NALCN: variants seen among roughly 807,000 people sequenced by gnomAD.
NALCN encodes the protein sodium leak channel, non-selective, also known as sodium leak channel NALCN.
In NALCN, 111 loss-of-function variants were observed where a neutral mutation model predicts 225.3. The observed-to-expected ratio is 0.49, with a 90% CI of 0.42 to 0.58. The LOEUF (loss-of-function observed/expected upper bound fraction) is 0.58. NALCN is among the 20% of genes least tolerant of loss of function. NALCN has a pLI of 0.00. For missense variants in NALCN, 1,378 were observed against 2,202.4 expected, an observed-to-expected ratio of 0.63 and a Z score of 7.49; for synonymous variants, 764 against 769.0, an observed-to-expected ratio of 0.99 and a Z score of 0.11.
At chr13:101,177,613 A>C (rs1203890972) in intron 14 of NALCN, among the ~76,000 whole-genome samples, 1 of 151,384 alleles carries the variant, frequency 6.6e-6, no homozygotes, top group Non-Finnish European at 1.5e-5. Flanking sequence ...CAGGTAAATA[A>C]AATAAAACAA....
chr13:101,124,438 A>G (rs778219805), intron 18 of NALCN, among the ~76,000 whole-genome samples, 170 bp downstream of exon 18: 1 of 152,198 alleles, frequency 6.6e-6, no homozygotes, highest in Non-Finnish European at 1.5e-5. Flanking sequence ...TTTAGAAATG[A>G]CATCAATATG....
At chr13:101,061,097 T>G (rs1295546938) in intron 41 of NALCN, among the ~76,000 whole-genome samples, 4 of 152,240 alleles carry the variant, frequency 2.6e-5, no homozygotes, top group Non-Finnish European at 5.9e-5. Context: ...CCAAAAGCAT[T>G]CATAAAAGTA....
At chr13:101,400,568 T>TGC (rs2047441487) in intron 1 of NALCN, among the ~76,000 whole-genome samples, 1 of 130,148 alleles carries the variant, frequency 7.7e-6, no homozygotes, top group African/African-American at 3.2e-5. Context: ...TGTGTGTGTG[T>TGC]GTGTGTGTGT....
intron 12 of NALCN, among the ~76,000 whole-genome samples, chr13:101,234,333 A>C (rs2041467773): frequency 6.6e-6 from 1 of 152,240 alleles, no homozygotes. Context: ...CACTTGAATA[A>C]ATACATGAAT....
intron 10 of NALCN, among the ~76,000 whole-genome samples, chr13:101,283,325 T>C (rs1340672972): frequency 6.6e-6 from 1 of 152,134 alleles, no homozygotes; most frequent in Non-Finnish European, 1.5e-5. Flanking sequence ...GGCCTTATTG[T>C]TATTATTGTT....
intron 12 of NALCN, among the ~76,000 whole-genome samples, chr13:101,237,425 A>T (rs1238987324): frequency 1.3e-5 from 2 of 152,040 alleles, no homozygotes; most frequent in Non-Finnish European, 2.9e-5. Context: ...CATCTTATGT[A>T]GTTTAAAATT....
intron 13 of NALCN, among the ~76,000 whole-genome samples, chr13:101,200,339 C>G (rs1172610475): frequency 6.6e-6 from 1 of 152,292 alleles, no homozygotes; most frequent in South Asian, 2.1e-4. Flanking sequence ...TACATCCAAT[C>G]TTTCAGGAAA....
At chr13:101,090,046 C>T (rs2034141227) in intron 28 of NALCN, 80 bp from the exon 29 acceptor site, 2 of 1,595,462 alleles carry the variant, frequency 1.3e-6, no homozygotes, top group African/African-American at 2.7e-5. Context: ...CCTTTCCAGT[C>T]ATGAGTGTGG....
chr13:101,293,958 C>T (rs944400360), intron 7 of NALCN, among the ~76,000 whole-genome samples: 1 of 152,174 alleles, frequency 6.6e-6, no homozygotes, highest in Non-Finnish European at 1.5e-5. Context: ...TTTCTAGCCT[C>T]TTTAACACAA....
Position 101,065,581 on chromosome 13 carries a change from A to AAGT in NALCN, c.4447-23_4447-21dup. On this transcript the variant is annotated intron_variant, in intron 39 of 43. Coordinates refer to ENST00000251127, the MANE Select transcript of NALCN (RefSeq NM_052867.4). ...CACCCCCTGCGGGGCAGAGCACAAG[A>AAGT]AGTAGCAAATCATCAGGCCTCGATG... 6.2e-7 allele frequency: 1 copy of AAGT among 1,611,182 alleles called. No homozygotes were observed. Among genetic ancestry groups the AAGT allele is most frequent in the South Asian group, 1.1e-5 (1 of 90,734 alleles).
intron 28 of NALCN, among the ~76,000 whole-genome samples, chr13:101,093,216 CATTT>C (rs2034327136): frequency 6.6e-6 from 1 of 152,156 alleles, no homozygotes; most frequent in South Asian, 2.1e-4. Context: ...GAAGAAAGTA[CATTT>C]ATTAATCTGA....
At chr13:101,203,406 G>A (rs868254509) in intron 13 of NALCN, among the ~76,000 whole-genome samples, 53 of 152,040 alleles carry the variant, frequency 3.5e-4, no homozygotes, top group African/African-American at 1.1e-3. Context: ...TAGTAGAGAC[G>A]GGGTTTCACC....
intron 12 of NALCN, among the ~76,000 whole-genome samples, chr13:101,236,368 A>T (rs915141518): frequency 2.0e-5 from 3 of 152,178 alleles, no homozygotes; most frequent in Non-Finnish European, 4.4e-5. Context: ...TTCCTCAGGG[A>T]TCTAGAACTA....
intron 9 of NALCN, among the ~76,000 whole-genome samples, chr13:101,284,550 C>T (rs780290605): frequency 1.2e-4 from 19 of 152,246 alleles, no homozygotes; most frequent in East Asian, 3.9e-4. Context: ...AAGAAGTGTG[C>T]GTGTGGCATA....
intron 6 of NALCN, among the ~76,000 whole-genome samples, chr13:101,349,186 T>G (rs2045834035): frequency 6.6e-6 from 1 of 152,180 alleles, no homozygotes; most frequent in Non-Finnish European, 1.5e-5. Context: ...TTGAATAAAG[T>G]ATCTACTTGT....
At chr13:101,297,235 C>T (rs918542885) in intron 7 of NALCN, among the ~76,000 whole-genome samples, 5 of 152,164 alleles carry the variant, frequency 3.3e-5, no homozygotes, top group African/African-American at 1.2e-4. Flanking sequence ...CACTAAACCT[C>T]TCTCCAAACA....
chr13:101,238,870 T>A (rs1328076308), intron 11 of NALCN, among the ~76,000 whole-genome samples: 2 of 151,776 alleles, frequency 1.3e-5, no homozygotes, highest in African/African-American at 2.4e-5. Flanking sequence ...GAAAATGCAG[T>A]TTTAATAATA....
intron 13 of NALCN, among the ~76,000 whole-genome samples, chr13:101,197,030 C>T (rs915247211): frequency 7.9e-5 from 12 of 152,076 alleles, no homozygotes; most frequent in African/African-American, 2.9e-4. Flanking sequence ...TTTGCCTTCA[C>T]TCTCAAGCCT....
chr13:101,298,134 C>G (rs2043823637), intron 7 of NALCN, among the ~76,000 whole-genome samples: 1 of 152,234 alleles, frequency 6.6e-6, no homozygotes, highest in Non-Finnish European at 1.5e-5. Context: ...CAAATAGATA[C>G]TTATTTGCTC....
Sources: gnomAD v4.1 joint callset for allele counts (sites outside exome capture counted in the v4.1 genomes callset) on GRCh38, gnomAD v4.1.1 for gene constraint, MANE v1.5 for transcripts, NCBI Gene and HGNC (gene_info 2026-07-23, HGNC 2026-07-21) for gene names.